Variants in LAMA2 observed in about 807,000 individuals in gnomAD.
The protein encoded by LAMA2 is laminin subunit alpha 2, also known as laminin subunit alpha-2.
In LAMA2, 269 loss-of-function variants were observed where a neutral mutation model predicts 364.8. The ratio of observed to expected loss-of-function variants is 0.74; its 90% confidence interval spans 0.67 to 0.82. LAMA2 has a LOEUF of 0.82. Among genes scored for constraint, LAMA2 ranks in the 40% least tolerant of loss-of-function variants. The pLI, the probability that LAMA2 is intolerant of heterozygous loss-of-function variation, is 0.00. For missense variants in LAMA2, 3,807 were observed against 3,873.2 expected (o/e 0.98, Z 0.45); for synonymous variants, 1,379 against 1,370.6 (o/e 1.01, Z -0.14).
At chr6:129,079,366 C>T (rs1413692934) in intron 3 of LAMA2, among the ~76,000 whole-genome samples, 1 of 147,306 alleles carries the variant, frequency 6.8e-6, no homozygotes, top group Non-Finnish European at 1.5e-5. Flanking sequence ...TATATATGGG[C>T]TTCACGCATT....
chr6:129,284,329 T>C (rs549518607), intron 18 of LAMA2, among the ~76,000 whole-genome samples: 1 of 152,294 alleles, frequency 6.6e-6, no homozygotes, highest in African/African-American at 2.4e-5. Flanking sequence ...AAGTCAGCAC[T>C]ATCATCCTGA....
chr6:129,217,335 G>C (rs1480713795), intron 12 of LAMA2, among the ~76,000 whole-genome samples: 3 of 152,048 alleles, frequency 2.0e-5, no homozygotes, highest in Admixed American at 2.0e-4. Context: ...ATGTCTATTA[G>C]ATGTGTAATT....
At chr6:129,149,521 T>C (rs1778670014) in intron 7 of LAMA2, among the ~76,000 whole-genome samples, 1 of 152,272 alleles carries the variant, frequency 6.6e-6, no homozygotes, top group African/African-American at 2.4e-5. Flanking sequence ...CAAAAACAGC[T>C]TGATAGACAT....
chr6:129,348,543 T>C (rs1776685857), intron 30 of LAMA2, among the ~76,000 whole-genome samples: 1 of 152,006 alleles, frequency 6.6e-6, no homozygotes, highest in African/African-American at 2.4e-5. Flanking sequence ...TTTTCAAGTC[T>C]TGTGGAGTCT....
intron 10 of LAMA2, among the ~76,000 whole-genome samples, chr6:129,189,607 T>A (rs1781416572): frequency 6.6e-6 from 1 of 152,132 alleles, no homozygotes. Flanking sequence ...CAGAAAACAC[T>A]GTAAAAAGTT....
chr6:129,074,114 C>T (rs756896951), intron 3 of LAMA2, among the ~76,000 whole-genome samples: 2 of 151,846 alleles, frequency 1.3e-5, no homozygotes, highest in Non-Finnish European at 1.5e-5. Context: ...CCAGTGGAAA[C>T]CCCGACTTGT....
chr6:129,288,734 T>C (rs1029952312), intron 19 of LAMA2, among the ~76,000 whole-genome samples: 3 of 152,342 alleles, frequency 2.0e-5, no homozygotes, highest in African/African-American at 7.2e-5. Flanking sequence ...TAATACTACA[T>C]AGAATTTCCA....
At chr6:128,933,267 TG>T (rs1779609174) in intron 1 of LAMA2, among the ~76,000 whole-genome samples, 1 of 150,320 alleles carries the variant, frequency 6.7e-6, no homozygotes, top group South Asian at 2.1e-4. Context: ...TGTGTGTGTC[TG>T]TGTGTCTGTG....
chr6:129,279,527 C>G (rs1392382452), intron 17 of LAMA2, among the ~76,000 whole-genome samples: 2 of 152,118 alleles, frequency 1.3e-5, no homozygotes, highest in Admixed American at 6.6e-5. Flanking sequence ...GAAAGCTTTC[C>G]TGAGGATTCC....
intron 45 of LAMA2, among the ~76,000 whole-genome samples, chr6:129,450,406 G>T (rs936963538): frequency 4.6e-5 from 7 of 151,840 alleles, no homozygotes; most frequent in Non-Finnish European, 7.4e-5. Flanking sequence ...TGCAACCTCT[G>T]CCTCTTGGGT....
At chr6:129,485,486 C>T (rs533308677) in intron 55 of LAMA2, among the ~76,000 whole-genome samples, 1 of 152,246 alleles carries the variant, frequency 6.6e-6, no homozygotes, top group South Asian at 2.1e-4. Context: ...GTCTGTTAGA[C>T]ATAATTAGAT....
intron 17 of LAMA2, among the ~76,000 whole-genome samples, chr6:129,272,855 A>G (rs1190950263): frequency 1.3e-5 from 2 of 152,126 alleles, no homozygotes; most frequent in Admixed American, 1.3e-4. Flanking sequence ...TCCTTATGAG[A>G]GTCTAACTGA....
intron 3 of LAMA2, among the ~76,000 whole-genome samples, chr6:129,067,936 C>T (rs994928145): frequency 2.0e-5 from 3 of 152,208 alleles, no homozygotes; most frequent in African/African-American, 7.2e-5. Flanking sequence ...ACTTCCTAAA[C>T]CACTTTCCTG....
At position 129,315,829 on chromosome 6, in the gene LAMA2, C is replaced by T. The variant is rs776042035; in HGVS notation, c.3803C>T (p.Ser1268Phe). 2.9e-5 allele frequency: 46 copies of T among 1,613,888 alleles called. No homozygotes were observed. The highest frequency in any genetic ancestry group is 3.7e-5 in the Non-Finnish European group (44 of 1,179,928). Residue 1268 changes from serine to phenylalanine, a missense_variant, in exon 26 of 65, where the codon TCT (serine) becomes TTT (phenylalanine). By Grantham distance (155) the Ser-to-Phe change is radical. Transcript: ENST00000421865. Reference sequence around the variant, plus strand: ...GAGGCTCGGGAAGAAACAGGTTTCTCTACATATAATCCTCAAGTGATCATT... The same window carrying T: ...GAGGCTCGGGAAGAAACAGGTTTCTTTACATATAATCCTCAAGTGATCATT... ...YFEAREETGF[S>F]TYNPQVIIRG...
chr6:129,072,380 G>T (rs1311503774), intron 3 of LAMA2, among the ~76,000 whole-genome samples: 3 of 151,954 alleles, frequency 2.0e-5, no homozygotes, highest in Non-Finnish European at 4.4e-5. Context: ...TTTGTATGTA[G>T]ATTCACTAGC....
At chr6:129,481,183 C>T (rs1316038429) in intron 54 of LAMA2, 80 bp from the exon 55 acceptor site, 3 of 1,064,640 alleles carry the variant, frequency 2.8e-6, no homozygotes, top group South Asian at 1.3e-5. Context: ...TTAATTGCAT[C>T]GAGGAGGGTG....
chr6:129,311,733 A>G (rs1774245013), intron 22 of LAMA2, among the ~76,000 whole-genome samples: 1 of 152,248 alleles, frequency 6.6e-6, no homozygotes, highest in South Asian at 2.1e-4. Context: ...AAACCTTTAA[A>G]AGGATAATGT....
chr6:129,008,600 A>T (rs1169453688), intron 1 of LAMA2, among the ~76,000 whole-genome samples: 3 of 152,212 alleles, frequency 2.0e-5, no homozygotes, highest in Non-Finnish European at 4.4e-5. Context: ...GTCTCAAAGC[A>T]GTCATTTTAC....
chr6:129,140,713 A>G (rs1031360916), intron 4 of LAMA2, among the ~76,000 whole-genome samples: 2 of 152,026 alleles, frequency 1.3e-5, no homozygotes, highest in Admixed American at 1.3e-4. Flanking sequence ...CCTATCCAAC[A>G]TTATGATTTA....
Sources: allele counts gnomAD v4.1 joint callset (sites outside exome capture counted in the v4.1 genomes callset), GRCh38; gene constraint gnomAD v4.1.1; transcripts MANE v1.5; gene names NCBI Gene and HGNC (gene_info 2026-07-23, HGNC 2026-07-21).